SLC6A9: variants seen among roughly 807,000 people sequenced by gnomAD.
SLC6A9 encodes sodium- and chloride-dependent glycine transporter 1.
SLC6A9 carries 31 observed loss-of-function variants against 70.9 expected under a neutral mutation model. The ratio of observed to expected loss-of-function variants is 0.44; its 90% CI spans 0.33 to 0.59. SLC6A9 has a LOEUF of 0.59. Among genes scored for constraint, SLC6A9 ranks in the 20% least tolerant of loss-of-function variants. The probability of loss-of-function intolerance (pLI) is 0.04; values close to 1 mark genes in which losing one functional copy is unlikely to be tolerated. For missense variants in SLC6A9, 631 were observed against 845.2 expected (o/e 0.75, Z 3.14); for synonymous variants, 310 against 341.3 (o/e 0.91, Z 1.01).
At chr1:44,010,561 C>T (rs1329059142) in intron 3 of SLC6A9, 165 bp downstream of exon 3, 2 of 578,284 alleles carry the variant, frequency 3.5e-6, no homozygotes, top group Admixed American at 3.4e-5. Context: ...CTGGGGTGGC[C>T]TGCCTTAGGC....
intron 1 of SLC6A9, among the ~76,000 whole-genome samples, chr1:44,027,194 C>T (rs556075173): frequency 6.1e-4 from 93 of 152,232 alleles, no homozygotes; most frequent in African/African-American, 2.0e-3. Flanking sequence ...AGTAGTGGGT[C>T]ACAGAGGCAG....
chr1:43,999,355 G>A (rs982343773), intron 12 of SLC6A9, among the ~76,000 whole-genome samples: 2 of 151,634 alleles, frequency 1.3e-5, no homozygotes, highest in African/African-American at 4.8e-5. Flanking sequence ...CCCGCCCGCT[G>A]TGCCTCAATC....
chr1:44,012,976 T>C (rs1206841923), intron 2 of SLC6A9, among the ~76,000 whole-genome samples: 1 of 152,218 alleles, frequency 6.6e-6, no homozygotes, highest in African/African-American at 2.4e-5. Flanking sequence ...GGGGGTGGTC[T>C]ATCTGGTCCC....
intron 5 of SLC6A9, among the ~76,000 whole-genome samples, chr1:44,004,241 C>CT (rs1289814258): frequency 6.6e-6 from 1 of 152,202 alleles, no homozygotes; most frequent in African/African-American, 2.4e-5. Context: ...GGTGACCCAC[C>CT]TGCCTCAGCC....
chr1:44,006,790 A>G (rs2154305286), intron 5 of SLC6A9, among the ~76,000 whole-genome samples: 1 of 152,272 alleles, frequency 6.6e-6, no homozygotes, highest in African/African-American at 2.4e-5. Flanking sequence ...GTCCTTGAGA[A>G]TAGTGGCCCT....
intron 2 of SLC6A9, among the ~76,000 whole-genome samples, chr1:44,019,422 G>C (rs2086839324): frequency 6.6e-6 from 1 of 152,246 alleles, no homozygotes. Flanking sequence ...TGCTCACTGA[G>C]CCAGCCTCAT....
chr1:44,026,363 G>C (rs2154307685), intron 1 of SLC6A9, among the ~76,000 whole-genome samples: 1 of 152,280 alleles, frequency 6.6e-6, no homozygotes, highest in African/African-American at 2.4e-5. Flanking sequence ...GATGGCATTA[G>C]AAAGAGCCAT....
At chr1:44,021,251 G>C (rs2086877746) in intron 2 of SLC6A9, among the ~76,000 whole-genome samples, 2 of 151,896 alleles carry the variant, frequency 1.3e-5, no homozygotes, top group South Asian at 4.2e-4. Flanking sequence ...CATCCCAGCT[G>C]CTCCCAGGCT....
intron 2 of SLC6A9, among the ~76,000 whole-genome samples, chr1:44,014,063 G>T (rs1338246605): frequency 6.6e-6 from 1 of 152,104 alleles, no homozygotes. Flanking sequence ...CTGCCCGTCT[G>T]CCTGAGCCAG....
intron 12 of SLC6A9, among the ~76,000 whole-genome samples, chr1:43,999,906 G>A (rs571983878): frequency 2.2e-4 from 34 of 152,230 alleles, no homozygotes; most frequent in African/African-American, 6.7e-4. Flanking sequence ...TGCCTTCCCC[G>A]AATCCCACCC....
chr1:44,008,032 TTC>T (rs935214425), intron 5 of SLC6A9, among the ~76,000 whole-genome samples: 1 of 151,972 alleles, frequency 6.6e-6, no homozygotes, highest in Non-Finnish European at 1.5e-5. Context: ...GCTAATTCTT[TTC>T]TCTTTTTGTA....
rs949994489 is a variant in SLC6A9, at chr1:43,998,098, C to A, written c.1537-73G>T. 48 of 1,381,466 alleles carry A rather than the reference C, an allele frequency of 3.5e-5. No homozygotes were observed. The Admixed American group carries it at 1.1e-3, about 30-fold the overall frequency. 85.6% of individuals were successfully genotyped at this position (1,381,466 alleles called of 1,614,324 possible). ...AGACCCCAGGCCATCCCTCTACCAG[C>A]ACCCTTTCCTCTCTGGTTTCCCAAA... On this transcript the variant is annotated intron_variant, in intron 12 of 13. Transcript: ENST00000372310.
intron 12 of SLC6A9, 61 bp downstream of exon 12, chr1:44,000,706 A>C: frequency 8.8e-7 from 1 of 1,134,734 alleles, no homozygotes; most frequent in Non-Finnish European, 1.3e-6. Flanking sequence ...GCTGGGTCCC[A>C]AGAGATGGAC....
Position 44,017,368 on chromosome 1 carries a change from A to AACAC in SLC6A9, c.31-6490_31-6487dup, listed in dbSNP as rs3038812. On this transcript the variant is annotated intron_variant, in intron 2 of 13. Coordinates refer to ENST00000372310, the MANE Select transcript of SLC6A9 (RefSeq NM_001024845.3). Reference sequence around the variant, plus strand: ...CTTGTTCCCAGCAAGTAACTGGAACAACACACACACACACACACACACACA... The same window carrying AACAC: ...CTTGTTCCCAGCAAGTAACTGGAACAACACACACACACACACACACACACACACA... 4,207 of 827,914 alleles carry AACAC rather than the reference A, an allele frequency of 5.1e-3. 32 individuals are homozygous for AACAC. The highest frequency in any genetic ancestry group is 0.026 in the African/African-American group (1,429 of 54,068). The allele number at this position is 827,914 out of a possible 1,614,324, so 51.3% of individuals were successfully genotyped here.
intron 8 of SLC6A9, 102 bp from the exon 9 acceptor site, chr1:44,001,729 C>CTT: frequency 2.4e-6 from 2 of 828,750 alleles, no homozygotes. Flanking sequence ...ACCCCCAACT[C>CTT]TTTTTTTTTG....
chr1:43,997,739 G>A lies in SLC6A9; in HGVS notation c.1708C>T (p.Arg570Cys), dbSNP rs777485971. 4 of 1,605,006 alleles carry A rather than the reference G, an allele frequency of 2.5e-6. No homozygotes were observed. The highest frequency in any genetic ancestry group is 1.7e-5 in the Admixed American group (1 of 57,750). ...CRTDGDTLLQ[R>C]LKNATKPSRD... ...CTTGGCTTTGTGGCATTTTTCAAAC[G>A]CTGCATGAGGTAGGCATGGGGCACA... The change falls in exon 14 of 14, where the codon CGT (arginine) becomes TGT (cysteine). Residue 570 changes from arginine (R) to cysteine (C), a missense_variant and splice_region_variant. Arg to Cys is a radical substitution (Grantham distance 180). Coordinates refer to ENST00000372310, the MANE Select transcript of SLC6A9 (RefSeq NM_001024845.3). This position sits in a 1 kb window ranked among gnomAD's most constrained non-coding sequence, Gnocchi z 4.4.
intron 1 of SLC6A9, among the ~76,000 whole-genome samples, chr1:44,027,653 G>A (rs1315090913): frequency 1.3e-5 from 2 of 152,226 alleles, no homozygotes; most frequent in Non-Finnish European, 2.9e-5. Context: ...TAAGGGGCAA[G>A]AGTTAAACCA....
At chr1:44,021,505 T>C (rs1571913024) in intron 2 of SLC6A9, among the ~76,000 whole-genome samples, 1 of 152,134 alleles carries the variant, frequency 6.6e-6, no homozygotes. Flanking sequence ...CTGAAGAGAC[T>C]TGGAGGGCCA....
intron 1 of SLC6A9, among the ~76,000 whole-genome samples, chr1:44,028,996 G>A (rs1250250173): frequency 6.6e-6 from 1 of 152,174 alleles, no homozygotes; most frequent in Non-Finnish European, 1.5e-5. Flanking sequence ...GTTTCTGCTG[G>A]TGCAGTGGGA....
Sources: gnomAD v4.1 joint callset for allele counts (sites outside exome capture counted in the v4.1 genomes callset) on GRCh38, gnomAD v4.1.1 for gene constraint, Gnocchi (gnomAD v3.1) non-coding constraint, MANE v1.5 for transcripts, NCBI Gene and HGNC (gene_info 2026-07-23, HGNC 2026-07-21) for gene names.